The following PCTP variants were observed in gnomAD, a reference collection of about 807,000 sequenced individuals.
PCTP encodes phosphatidylcholine transfer protein.
In PCTP, 27 loss-of-function variants were observed where a neutral mutation model predicts 31.0. That is an observed-to-expected ratio of 0.87 (90% CI 0.64 to 1.20). The LOEUF is 1.20. Ranked by LOEUF, PCTP falls within the 50% of genes most tolerant of loss-of-function variation. The pLI, the probability that PCTP is intolerant of heterozygous loss-of-function variation, is 0.00. For synonymous variants in PCTP, 108 were observed against 101.2 expected (o/e 1.07, Z -0.40); for missense variants, 287 against 268.2 (o/e 1.07, Z -0.49).
intron 5 of PCTP, among the ~76,000 whole-genome samples, chr17:55,832,242 C>A (rs930765264): frequency 1.3e-5 from 2 of 152,244 alleles, no homozygotes; most frequent in Non-Finnish European, 2.9e-5. Flanking sequence ...TCCTTGAGGG[C>A]AAGCTCTGTG....
At chr17:55,761,749 C>G (rs1345021717) in intron 1 of PCTP, among the ~76,000 whole-genome samples, 1 of 151,682 alleles carries the variant, frequency 6.6e-6, no homozygotes, top group South Asian at 2.1e-4. Flanking sequence ...ATTTAATATC[C>G]ATTAAAGTGT....
At chr17:55,791,377 A>C (rs1458318670) in intron 3 of PCTP, among the ~76,000 whole-genome samples, 7 of 147,514 alleles carry the variant, frequency 4.7e-5, no homozygotes, top group South Asian at 2.2e-4. Context: ...CAACCTACAA[A>C]ATGGGAGAAA....
chr17:55,802,640 TA>T (rs1912425422), intron 3 of PCTP, among the ~76,000 whole-genome samples: 1 of 152,128 alleles, frequency 6.6e-6, no homozygotes, highest in Admixed American at 6.6e-5. Flanking sequence ...AACAGATGTG[TA>T]ATAGGACTTT....
At chr17:55,779,503 T>C (rs1911482862), downstream of PCTP, among the ~76,000 whole-genome samples, 1 of 148,534 alleles carries the variant, frequency 6.7e-6, no homozygotes, top group Non-Finnish European at 1.5e-5. Context: ...CCAGTGTGGC[T>C]GGAGCGCTGA....
chr17:55,751,598 G>A, intron 1 of PCTP: 1 of 1,003,844 alleles, frequency 1.0e-6, no homozygotes, highest in Non-Finnish European at 1.4e-6. Flanking sequence ...ATGCGTGTCA[G>A]TGGCATATGG....
chr17:55,782,666 C>T (rs1911603925), intron 2 of PCTP, among the ~76,000 whole-genome samples: 1 of 152,148 alleles, frequency 6.6e-6, no homozygotes, highest in South Asian at 2.1e-4. Flanking sequence ...TCCTTCTGTT[C>T]CATCAATGTG....
chr17:55,819,074 A>G (rs966399424), intron 3 of PCTP, among the ~76,000 whole-genome samples: 7 of 151,756 alleles, frequency 4.6e-5, no homozygotes, highest in African/African-American at 1.7e-4. Context: ...GGAAAAAGAA[A>G]ACAGCGGCAT....
At chr17:55,815,751 G>A (rs988506786) in intron 3 of PCTP, among the ~76,000 whole-genome samples, 2 of 152,042 alleles carry the variant, frequency 1.3e-5, no homozygotes, top group African/African-American at 2.4e-5. Flanking sequence ...GGCTTGCATC[G>A]GGAACCTGCC....
intron 3 of PCTP, among the ~76,000 whole-genome samples, chr17:55,819,010 C>CAAAAAAAAAAAAAAAAAA (rs56823756): frequency 6.1e-4 from 31 of 51,104 alleles, no homozygotes; most frequent in Admixed American, 1.2e-3. Context: ...GGAAAGAAAT[C>CAAAAAAAAAAAAAAAAAA]AAAAAAAAAA....
At position 55,751,261 on chromosome 17, in the gene PCTP, T is replaced by G; in HGVS notation, c.141+17T>G. The G allele has an allele frequency of 6.5e-7, 1 of 1,530,516 alleles. No individual in the cohort carries two copies. The highest frequency in any genetic ancestry group is 8.8e-7 in the Non-Finnish European group (1 of 1,137,796). The allele number at this position is 1,530,516 out of a possible 1,614,324, so 94.8% of individuals were successfully genotyped here. A position where few individuals can be genotyped will look rare whatever the true frequency, so the allele number is the denominator to read the frequency against. The stretch of plus-strand genomic sequence containing the variant: ...CTGGACAAGGTAGCGGCCAACCCGC[T>G]GGAGGACCGCGGGGCCTAGAATGCG... On this transcript the variant is annotated intron_variant, in intron 1 of 5. Transcript: ENST00000268896.
downstream of PCTP, among the ~76,000 whole-genome samples, chr17:55,777,838 G>T (rs1911417808): frequency 6.6e-6 from 1 of 152,156 alleles, no homozygotes; most frequent in Non-Finnish European, 1.5e-5. Context: ...CAATAATGTA[G>T]CTGAAATCTA....
At chr17:55,767,961 C>G (rs141860473) in intron 2 of PCTP, among the ~76,000 whole-genome samples, 1 of 151,422 alleles carries the variant, frequency 6.6e-6, no homozygotes, top group Non-Finnish European at 1.5e-5. Flanking sequence ...GGCATGGTGG[C>G]GCATGCCTAT....
At chr17:55,754,374 G>C (rs1171046298) in intron 1 of PCTP, among the ~76,000 whole-genome samples, 2 of 152,212 alleles carry the variant, frequency 1.3e-5, no homozygotes, top group Middle Eastern at 6.8e-3. Flanking sequence ...TTCATTTACT[G>C]GTTTATTATA....
chr17:55,775,998 T>G (rs1911308339), intron 5 of PCTP, 37 bp from the exon 6 acceptor site: 1 of 1,612,522 alleles, frequency 6.2e-7, no homozygotes, highest in Non-Finnish European at 8.5e-7. Flanking sequence ...GTGACCACTG[T>G]GAAGACATAG....
chr17:55,806,900 G>T (rs1461734484), intron 3 of PCTP, among the ~76,000 whole-genome samples: 1 of 152,186 alleles, frequency 6.6e-6, no homozygotes, highest in African/African-American at 2.4e-5. Context: ...GACCTGAGAA[G>T]ACTTGACTTT....
At chr17:55,777,911 A>G (rs1261275112), downstream of PCTP, among the ~76,000 whole-genome samples, 1 of 152,238 alleles carries the variant, frequency 6.6e-6, no homozygotes, top group Non-Finnish European at 1.5e-5. Context: ...TCTTATGAAT[A>G]GATTATTTGA....
chr17:55,756,107 CA>C (rs1271883974), intron 1 of PCTP, among the ~76,000 whole-genome samples: 1 of 152,226 alleles, frequency 6.6e-6, no homozygotes, highest in Non-Finnish European at 1.5e-5. Flanking sequence ...CTCTATCATT[CA>C]TTTAAGCATT....
chr17:55,821,829 G>A (rs1913125677), intron 3 of PCTP, among the ~76,000 whole-genome samples: 1 of 152,138 alleles, frequency 6.6e-6, no homozygotes, highest in African/African-American at 2.4e-5. Flanking sequence ...TTGTGTACAA[G>A]GCTGGGGTGT....
In PCTP at chr17:55,776,338, A is replaced by G. The variant is rs887380260; in HGVS notation, c.*238A>G. 5.9e-6 allele frequency: 8 copies of G among 1,352,532 alleles called. No individual in the cohort carries two copies. In the African/African-American group the frequency reaches 1.2e-4, roughly 20 times the overall value. The allele number at this position is 1,352,532 out of a possible 1,614,324, so 83.8% of individuals were successfully genotyped here. ...GTCTGCTTCCTTTCTCGCTCCCCCC[A>G]TCCTGGGCTGGGCTGCCTTCTTCTA... On this transcript the variant is annotated 3_prime_UTR_variant, in exon 6 of 6. Coordinates refer to ENST00000268896, the MANE Select transcript of PCTP (RefSeq NM_021213.4).
Sources: allele counts gnomAD v4.1 joint callset (sites outside exome capture counted in the v4.1 genomes callset), GRCh38; gene constraint gnomAD v4.1.1; transcripts MANE v1.5; gene names NCBI Gene and HGNC (gene_info 2026-07-23, HGNC 2026-07-21).